Variants in ZFHX3 observed in about 807,000 individuals in gnomAD.
The protein encoded by ZFHX3 is zinc finger homeobox 3.
Under a neutral mutation model 279.1 loss-of-function variants are expected in ZFHX3, and 42 were observed. The observed-to-expected ratio is 0.15, with a 90% CI of 0.12 to 0.19. ZFHX3 has a LOEUF of 0.19. Among genes scored for constraint, ZFHX3 ranks in the 10% least tolerant of loss-of-function variants. ZFHX3 has a pLI of 1.00. For missense variants in ZFHX3, 4,981 were observed against 4,754.0 expected (o/e 1.05, Z -1.40); for synonymous variants, 2,293 against 1,957.8 (o/e 1.17, Z -4.52).
At chr16:73,503,863 G>GA in intron 2 of ZFHX3, among the ~76,000 whole-genome samples, 1 of 152,280 alleles carries the variant, frequency 6.6e-6, no homozygotes, top group East Asian at 1.9e-4. Flanking sequence ...AAGAAATCCT[G>GA]AAGGAATGAA....
Position 73,262,630 on chromosome 16 carries a change from AT to A in ZFHX3, c.-1193-5495del, listed in dbSNP as rs895542978. ...AGGTGGCATCATCAACCAGAAGCAG[AT>A]TTGGCCCTAGAACATAGGAGGTAGA... is the stretch of plus-strand genomic sequence containing the variant. On this transcript the variant is annotated intron_variant, in intron 4 of 17. Coordinates refer to the ZFHX3 transcript ENST00000641206. Among the ~76,000 whole-genome samples the A allele has an allele frequency of 2.8e-4, 43 of 152,310 alleles. 1 individual carries two copies. Among genetic ancestry groups the A allele is most frequent in the African/African-American group, 1.0e-3 (43 of 41,554 alleles).
chr16:73,303,834 C>T (rs1203411040), intron 4 of ZFHX3, among the ~76,000 whole-genome samples: 1 of 151,904 alleles, frequency 6.6e-6, no homozygotes, highest in African/African-American at 2.4e-5. Context: ...ATTTGGACTA[C>T]AAATGTGGCA....
intron 7 of ZFHX3, among the ~76,000 whole-genome samples, chr16:72,801,953 G>A (rs1379497046): frequency 2.0e-5 from 3 of 152,054 alleles, no homozygotes; most frequent in South Asian, 4.2e-4. Context: ...CTCCTTTCTC[G>A]GTTGTAGCTG....
chr16:72,921,099 A>T (rs1231636945), intron 3 of ZFHX3, among the ~76,000 whole-genome samples: 1 of 148,278 alleles, frequency 6.7e-6, no homozygotes, highest in African/African-American at 2.5e-5. Context: ...AAAAAAAGCT[A>T]ATCCAACCAA....
intron 3 of ZFHX3, among the ~76,000 whole-genome samples, chr16:72,940,410 G>T (rs1960355510): frequency 1.3e-5 from 2 of 152,164 alleles, no homozygotes; most frequent in African/African-American, 4.8e-5. Context: ...GCTGGGGTCT[G>T]AACCCATGGG....
intron 3 of ZFHX3, among the ~76,000 whole-genome samples, chr16:73,416,844 A>T (rs1344562797): frequency 6.6e-6 from 1 of 151,708 alleles, no homozygotes; most frequent in Admixed American, 6.6e-5. Flanking sequence ...ACTGCACTCC[A>T]GCCTGGGCGA....
chr16:73,033,163 C>T (rs1298840123), intron 1 of ZFHX3, among the ~76,000 whole-genome samples: 2 of 152,192 alleles, frequency 1.3e-5, no homozygotes, highest in Non-Finnish European at 2.9e-5. Context: ...AGCTGCCAGA[C>T]ACCTCCTTAC....
intron 4 of ZFHX3, among the ~76,000 whole-genome samples, chr16:72,856,095 C>T (rs2037747903): frequency 6.6e-6 from 1 of 152,252 alleles, no homozygotes; most frequent in South Asian, 2.1e-4. Flanking sequence ...TATAGTCCAA[C>T]ACTTCACCAG....
chr16:72,881,539 C>T (rs141472952), intron 4 of ZFHX3, among the ~76,000 whole-genome samples: 10 of 152,266 alleles, frequency 6.6e-5, no homozygotes, highest in South Asian at 2.1e-4. Context: ...CTACCAAGGT[C>T]GGGAACAAGT....
intron 1 of ZFHX3, among the ~76,000 whole-genome samples, chr16:73,859,618 G>T (rs2142388455): frequency 6.6e-6 from 1 of 152,240 alleles, no homozygotes; most frequent in East Asian, 1.9e-4. Context: ...CTATTAACAA[G>T]ATAATACCTG....
rs1426286338 is a variant in ZFHX3, at chr16:73,300,405, G to C, written c.-1194+17835C>G. ...CAGCAGCCCCTCTGGACTCTACCTA[G>C]AGGACACTGAGGCATAAAGATGTCC... On this transcript the variant is annotated intron_variant, in intron 4 of 17. Transcript: ENST00000641206. Among the ~76,000 whole-genome samples the C allele has an allele frequency of 7.2e-5, 11 of 152,234 alleles. No homozygotes were observed. In the East Asian group the frequency reaches 2.1e-3, roughly 29 times the overall value.
intron 3 of ZFHX3, among the ~76,000 whole-genome samples, chr16:73,364,970 C>T (rs949262274): frequency 6.6e-6 from 1 of 152,190 alleles, no homozygotes; most frequent in Non-Finnish European, 1.5e-5. Flanking sequence ...CCCACCCCCT[C>T]CTTTTTCATT....
intron 3 of ZFHX3, among the ~76,000 whole-genome samples, chr16:72,937,327 C>T (rs2144327739): frequency 6.6e-6 from 1 of 152,324 alleles, no homozygotes; most frequent in South Asian, 2.1e-4. Flanking sequence ...GGCATAATAA[C>T]ACTCATCGTG....
intron 5 of ZFHX3, among the ~76,000 whole-genome samples, chr16:73,169,788 A>C (rs1178855747): frequency 6.6e-6 from 1 of 152,100 alleles, no homozygotes; most frequent in East Asian, 1.9e-4. Flanking sequence ...ATATTAATGG[A>C]TGACAGACAT....
intron 3 of ZFHX3, among the ~76,000 whole-genome samples, chr16:73,434,609 T>C (rs559758130): frequency 4.5e-3 from 112 of 24,930 alleles, no homozygotes; most frequent in African/African-American, 0.012. Flanking sequence ...CTATGGATGG[T>C]GTTTTTTTTT....
chr16:73,130,829 A>G, intron 7 of ZFHX3: 2 of 555,442 alleles, frequency 3.6e-6, no homozygotes, highest in South Asian at 5.2e-5. Context: ...GCTGGTCTCG[A>G]ACTCCTGACC....
At chr16:73,173,273 T>C (rs1967582526) in intron 5 of ZFHX3, among the ~76,000 whole-genome samples, 3 of 152,088 alleles carry the variant, frequency 2.0e-5, no homozygotes, top group Admixed American at 6.5e-5. Flanking sequence ...TGAAGGACTT[T>C]TGTACTTTTT....
chr16:73,308,264 TATATATA>T (rs2015237012), intron 4 of ZFHX3, among the ~76,000 whole-genome samples: 3 of 29,752 alleles, frequency 1.0e-4, no homozygotes, highest in Non-Finnish European at 1.1e-4. Context: ...TATATATATA[TATATATA>T]TATATATTTA....
chr16:73,029,356 G>A (rs918530719), intron 1 of ZFHX3, among the ~76,000 whole-genome samples: 5 of 152,278 alleles, frequency 3.3e-5, no homozygotes, highest in Middle Eastern at 3.4e-3. Flanking sequence ...AATGAGAAAC[G>A]CTCCTTGGTC....
Sources: allele counts gnomAD v4.1 joint callset (sites outside exome capture counted in the v4.1 genomes callset), GRCh38; gene constraint gnomAD v4.1.1; transcripts MANE v1.5; gene names NCBI Gene and HGNC (gene_info 2026-07-23, HGNC 2026-07-21).